Variants in LTO1 observed in about 807,000 individuals in gnomAD.
LTO1 encodes the protein LTO1 maturation factor of ABCE1, also known as protein LTO1 homolog.
Under a neutral mutation model 19.8 loss-of-function variants are expected in LTO1, and 18 were observed. The observed-to-expected ratio is 0.91, with a 90% CI of 0.63 to 1.35. The LOEUF is 1.35. LTO1 is among the 40% of genes most tolerant of loss of function. The pLI is 0.00. For missense variants in LTO1, 175 were observed against 167.9 expected, an observed-to-expected ratio of 1.04 and a Z score of -0.23; for synonymous variants, 59 against 59.6, an observed-to-expected ratio of 0.99 and a Z score of 0.05.
rs760351183 is a variant in LTO1 at position 69,668,024 on chromosome 11, A to G, written c.228-12T>C. 25 of 1,249,374 alleles carry G rather than the reference A, an allele frequency of 2.0e-5. No individual in the cohort carries two copies. The East Asian group carries it at 5.6e-4, about 28-fold the overall frequency. 77.4% of individuals were successfully genotyped at this position (1,249,374 alleles called of 1,614,324 possible). A position where few individuals can be genotyped will look rare whatever the true frequency, so the allele number is the denominator to read the frequency against. On this transcript the variant is annotated splice_polypyrimidine_tract_variant and intron_variant, in intron 3 of 4. Coordinates refer to ENST00000279147, the MANE Select transcript of LTO1 (RefSeq NM_153451.3). ...CCTTCATCTTTCTGCTGTAAAGCAC[A>G]GAAATACAGACTCTCAGTCATGTGC...
chr11:69,669,082 T>G (rs1590923164), intron 3 of LTO1, among the ~76,000 whole-genome samples: 1 of 150,092 alleles, frequency 6.7e-6, no homozygotes, highest in South Asian at 2.1e-4. Flanking sequence ...ACAGAGTAGG[T>G]GCTCAATAAA....
chr11:69,668,678 T>A (rs202083997), intron 3 of LTO1, among the ~76,000 whole-genome samples: 1 of 37,942 alleles, frequency 2.6e-5, no homozygotes, highest in Non-Finnish European at 1.1e-4. Flanking sequence ...CTGTTTTGTT[T>A]TTTTTTTTTT....
rs1193666627 is a variant in LTO1 at position 69,670,529 on chromosome 11, C to A, written c.227+1220G>T. Among the ~76,000 whole-genome samples the A allele has an allele frequency of 2.0e-5, 3 of 152,242 alleles. No individual in the cohort carries two copies. The East Asian group carries it at 5.8e-4, about 29-fold the overall frequency. ...CCCCTCTGCTAACCCAGAATCCCAT[C>A]GACTCCCAACTGCTGGTACAAACGG... On this transcript the variant is annotated intron_variant, in intron 3 of 4. Coordinates refer to ENST00000279147, the MANE Select transcript of LTO1 (RefSeq NM_153451.3).
At chr11:69,671,030 A>G (rs749606361) in intron 3 of LTO1, among the ~76,000 whole-genome samples, 5 of 152,152 alleles carry the variant, frequency 3.3e-5, no homozygotes, top group Non-Finnish European at 5.9e-5. Flanking sequence ...CCTCCCGAGT[A>G]GCTGGCACTA....
chr11:69,675,270 G>A lies in LTO1; in HGVS notation c.-31C>T, dbSNP rs753536163. 1 of 1,475,488 alleles carries A rather than the reference G, an allele frequency of 6.8e-7. No individual in the cohort carries two copies. The highest frequency in any genetic ancestry group is 9.0e-7 in the Non-Finnish European group (1 of 1,112,738). The allele number at this position is 1,475,488 out of a possible 1,614,324, so 91.4% of individuals were successfully genotyped here. A position where few individuals can be genotyped will look rare whatever the true frequency, so the allele number is the denominator to read the frequency against. On this transcript the variant is annotated 5_prime_UTR_variant, in exon 1 of 5. Coordinates refer to ENST00000279147, the MANE Select transcript of LTO1 (RefSeq NM_153451.3). ...CAAGCAGCCCGCCCTTGGCCCCCGG[G>A]TTTCTGCAGCCCCGCGGTGCCGTAG...
chr11:69,668,338 G>A (rs891231841), intron 3 of LTO1: 1 of 239,984 alleles, frequency 4.2e-6, no homozygotes, highest in Non-Finnish European at 8.2e-6. Flanking sequence ...AACTGGGCAA[G>A]AGGGACTGGG....
chr11:69,670,221 G>A (rs1370485977), intron 3 of LTO1, among the ~76,000 whole-genome samples: 2 of 152,184 alleles, frequency 1.3e-5, no homozygotes, highest in Non-Finnish European at 2.9e-5. Flanking sequence ...GCTTTCAGAC[G>A]TCAGCAAACC....
chr11:69,673,067 T>C, intron 2 of LTO1, 149 bp downstream of exon 2: 1 of 695,258 alleles, frequency 1.4e-6, no homozygotes, highest in Non-Finnish European at 2.7e-6. Context: ...ACTCCCAAAG[T>C]GCTGGGATTA....
Position 69,675,280 on chromosome 11 carries a change from C to A in LTO1, c.-41G>T. ...GCCCTTGGCCCCCGGGTTTCTGCAG[C>A]CCCGCGGTGCCGTAGCAGACCCGGC... On this transcript the variant is annotated 5_prime_UTR_variant, in exon 1 of 5. Transcript: ENST00000279147. The A allele has an allele frequency of 1.4e-6, 2 of 1,443,700 alleles. No individual in the cohort carries two copies. The highest frequency in any genetic ancestry group is 2.9e-5 in the South Asian group (2 of 68,962). 89.4% of individuals were successfully genotyped at this position (1,443,700 alleles called of 1,614,324 possible). A position where few individuals can be genotyped will look rare whatever the true frequency, so the allele number is the denominator to read the frequency against.
chr11:69,674,985 C>A (rs534838799), intron 1 of LTO1: 395 of 693,210 alleles, frequency 5.7e-4, no homozygotes, highest in Non-Finnish European at 1.7e-4. Context: ...AGCAGCTGGG[C>A]ACGTGCCCCG....
At chr11:69,670,355 G>A (rs1357355850) in intron 3 of LTO1, among the ~76,000 whole-genome samples, 2 of 152,226 alleles carry the variant, frequency 1.3e-5, no homozygotes, top group Non-Finnish European at 2.9e-5. Flanking sequence ...AGAACTCCAA[G>A]AACACACATC....
rs80294142 is a variant in LTO1 at position 69,665,816 on chromosome 11, G to C, written c.*1703C>G. On this transcript the variant is annotated 3_prime_UTR_variant, in exon 5 of 5. Coordinates refer to ENST00000279147, the MANE Select transcript of LTO1 (RefSeq NM_153451.3). The stretch of plus-strand genomic sequence containing the variant: ...AAACGAGCGGTGCACAGCCACACAC[G>C]CAGGTTTAGAGTTCGGGAGGAGGAG... 6.6e-6 allele frequency: 1 copy of C among 152,086 alleles called. No homozygotes were observed. Among genetic ancestry groups the C allele is most frequent in the Admixed American group, 6.6e-5 (1 of 15,264 alleles). The allele number at this position is 152,086 out of a possible 1,614,324, so 9.4% of individuals were successfully genotyped here.
chr11:69,674,537 T>C (rs1856159498), intron 1 of LTO1: 1 of 348,644 alleles, frequency 2.9e-6, no homozygotes, highest in South Asian at 2.2e-5. Context: ...CGAAGAATAA[T>C]AGGATCCACT....
rs550598231 is a variant in LTO1 at position 69,671,681 on chromosome 11, T to C, written c.227+68A>G. The C allele has an allele frequency of 1.2e-5, 10 of 858,288 alleles. No homozygotes were observed. The East Asian group carries it at 1.9e-4, about 17-fold the overall frequency. 53.2% of individuals were successfully genotyped at this position (858,288 alleles called of 1,614,324 possible). ...CAGACAGATTGATTACTCAAGGGCA[T>C]GCTGGTAACCCATGGAACTAGAACT... On this transcript the variant is annotated intron_variant, in intron 3 of 4. Coordinates refer to ENST00000279147, the MANE Select transcript of LTO1 (RefSeq NM_153451.3).
chr11:69,672,943 C>T (rs974326118), intron 2 of LTO1: 2 of 428,318 alleles, frequency 4.7e-6, no homozygotes, highest in Non-Finnish European at 8.9e-6. Flanking sequence ...GCTGGGATTA[C>T]AGGCATGCAC....
chr11:69,673,430 A>G (rs1856140886), intron 1 of LTO1, 109 bp from the exon 2 acceptor site: 2 of 709,700 alleles, frequency 2.8e-6, no homozygotes, highest in African/African-American at 1.8e-5. Context: ...ACCAGAGTAA[A>G]GGAGGAAAAG....
Position 69,666,747 on chromosome 11 carries a change from G to A in LTO1, c.*772C>T, listed in dbSNP as rs1031598374. On this transcript the variant is annotated 3_prime_UTR_variant, in exon 5 of 5. Transcript: ENST00000279147. ...ATATGTCTGGGTCCCCTCAGGATCA[G>A]GTTGGCCTTTCTTCCTCTCAGCCAG... 2.0e-5 allele frequency: 3 copies of A among 152,370 alleles called. No individual in the cohort carries two copies. The highest frequency in any genetic ancestry group is 7.2e-5 in the African/African-American group (3 of 41,432). 9.4% of individuals were successfully genotyped at this position (152,370 alleles called of 1,614,324 possible). A position where few individuals can be genotyped will look rare whatever the true frequency, so the allele number is the denominator to read the frequency against.
intron 3 of LTO1, among the ~76,000 whole-genome samples, chr11:69,669,059 C>G (rs2119839403): frequency 6.6e-6 from 1 of 150,380 alleles, no homozygotes; most frequent in African/African-American, 2.4e-5. Context: ...TGACATGAAG[C>G]TTGGACTCCA....
rs116600405 is a variant in LTO1, at chr11:69,667,426, C to T, written c.*93G>A. The T allele has an allele frequency of 5.8e-3, 4,932 of 855,978 alleles. 151 individuals are homozygous for T. In the African/African-American group the frequency reaches 0.069, roughly 12 times the overall value. The allele number at this position is 855,978 out of a possible 1,614,324, so 53.0% of individuals were successfully genotyped here. A position where few individuals can be genotyped will look rare whatever the true frequency, so the allele number is the denominator to read the frequency against. Reference sequence around the variant, plus strand: ...CCCTCACCCTCCCAATGAACAACTGCCTTCCCAGCACCGTCTGGCCCTTCA... The same window carrying T: ...CCCTCACCCTCCCAATGAACAACTGTCTTCCCAGCACCGTCTGGCCCTTCA... On this transcript the variant is annotated 3_prime_UTR_variant, in exon 5 of 5. Coordinates refer to ENST00000279147, the MANE Select transcript of LTO1 (RefSeq NM_153451.3).
Sources: allele counts gnomAD v4.1 joint callset (sites outside exome capture counted in the v4.1 genomes callset), GRCh38; gene constraint gnomAD v4.1.1; transcripts MANE v1.5; gene names NCBI Gene and HGNC (gene_info 2026-07-23, HGNC 2026-07-21).